The following PCNX2 variants were observed in gnomAD, a reference collection of about 807,000 sequenced individuals.
PCNX2 encodes the protein pecanex 2.
In PCNX2, 168 loss-of-function variants were observed where a neutral mutation model predicts 223.8. That is an observed-to-expected ratio of 0.75 (90% CI 0.66 to 0.85). The LOEUF (loss-of-function observed/expected upper bound fraction) is 0.85. Among genes scored for constraint, PCNX2 ranks in the 40% least tolerant of loss-of-function variants. PCNX2 has a pLI of 0.00. For missense variants in PCNX2, 2,507 were observed against 2,675.5 expected (o/e 0.94, Z 1.39); for synonymous variants, 1,006 against 1,052.6 (o/e 0.96, Z 0.86).
intron 23 of PCNX2, chr1:233,087,215 A>G: frequency 1.0e-6 from 1 of 985,418 alleles, no homozygotes; most frequent in Non-Finnish European, 1.2e-6. Context: ...AGTCAGCTTT[A>G]AAAGATCTGC....
At chr1:233,194,303 C>A (rs1680593357) in intron 15 of PCNX2, among the ~76,000 whole-genome samples, 1 of 151,232 alleles carries the variant, frequency 6.6e-6, no homozygotes, top group African/African-American at 2.4e-5. Flanking sequence ...GTGAAGATAT[C>A]CTTCAAAAGT....
chr1:233,151,886 C>T (rs940723586), intron 19 of PCNX2, among the ~76,000 whole-genome samples: 1 of 152,148 alleles, frequency 6.6e-6, no homozygotes, highest in East Asian at 1.9e-4. Context: ...TGAGCCACTG[C>T]GCCCAGCCTT....
At chr1:233,213,950 TC>T (rs1284034130) in intron 12 of PCNX2, among the ~76,000 whole-genome samples, 23 of 147,276 alleles carry the variant, frequency 1.6e-4, no homozygotes, top group Admixed American at 1.5e-3. Flanking sequence ...TGCCTCAGCC[TC>T]CCGAGTAGCT....
In PCNX2 at chr1:233,280,459, G is replaced by A. The variant is rs570159435; in HGVS notation, c.153+14867C>T. Among the ~76,000 whole-genome samples, 16 of 152,042 alleles carry A rather than the reference G, an allele frequency of 1.1e-4. No individual in the cohort carries two copies. The South Asian group carries it at 2.9e-3, about 28-fold the overall frequency. On this transcript the variant is annotated intron_variant, in intron 1 of 33. Transcript: ENST00000258229. ...ATTATAGGCATGCGCCACCATGCCC[G>A]GCTAATTTTTGTTTTTTTAGTAAAG...
At position 233,218,110 on chromosome 1, in the gene PCNX2, A is replaced by G; in HGVS notation, c.2579T>C (p.Leu860Ser). The G allele has an allele frequency of 6.4e-7, 1 of 1,561,200 alleles. No individual in the cohort carries two copies. Residue 860 changes from leucine to serine, a missense_variant, in exon 11 of 34, where the codon TTG (leucine) becomes TCG (serine). Leu to Ser is a moderately radical substitution (Grantham distance 145). This residue lies in a region of PCNX2 where 104 missense variants were observed against 144.4 expected (regional missense o/e 0.72). Coordinates refer to ENST00000258229, the MANE Select transcript of PCNX2 (RefSeq NM_014801.4). ...VLVSLLGFLT[L>S]SQGFCKDMWV... ...CATATCTTTGCAAAAGCCTTGGCTC[A>G]AGGTCAGAAATCCAAGGAGGGAAAC...
chr1:233,323,656 C>A, the PCNX2 span, among the ~76,000 whole-genome samples: 1 of 152,142 alleles, frequency 6.6e-6, no homozygotes. Context: ...CACCACAAAC[C>A]ACACCTATAT....
chr1:233,175,420 G>A (rs751935738), intron 17 of PCNX2, among the ~76,000 whole-genome samples: 3 of 152,036 alleles, frequency 2.0e-5, no homozygotes, highest in Non-Finnish European at 2.9e-5. Flanking sequence ...ACCTCTGCTG[G>A]GCAAATTTCT....
chr1:233,073,386 A>G (rs1672942471), intron 23 of PCNX2, among the ~76,000 whole-genome samples: 1 of 152,072 alleles, frequency 6.6e-6, no homozygotes, highest in Non-Finnish European at 1.5e-5. Flanking sequence ...ATTGATCCCT[A>G]GTCTAATCAT....
intron 10 of PCNX2, among the ~76,000 whole-genome samples, chr1:233,224,441 T>C (rs1261226804): frequency 1.3e-5 from 2 of 152,246 alleles, no homozygotes; most frequent in Non-Finnish European, 2.9e-5. Context: ...AAGAATGTCA[T>C]GCAGGATGAC....
chr1:233,198,729 C>G lies in PCNX2; in HGVS notation c.3066+210G>C, dbSNP rs187575257. On this transcript the variant is annotated intron_variant, in intron 15 of 33. Coordinates refer to ENST00000258229, the MANE Select transcript of PCNX2 (RefSeq NM_014801.4). ...GACATCTGCAGAGGGGAGGCCAGGC[C>G]AGGAGGTGGGGGGCCTTTCACATTA... Among the ~76,000 whole-genome samples, 872 of 152,286 alleles carry G rather than the reference C, an allele frequency of 5.7e-3. 5 individuals carry two copies. The highest frequency in any genetic ancestry group is 0.02 in the African/African-American group (825 of 41,560).
the PCNX2 span, among the ~76,000 whole-genome samples, chr1:233,311,931 AGCCTAG>A: frequency 6.6e-5 from 10 of 152,284 alleles, no homozygotes; most frequent in African/African-American, 2.4e-4. Context: ...GTTCGAGACC[AGCCTAG>A]GCAAGATGGT....
chr1:233,012,669 T>C lies in PCNX2; in HGVS notation c.4952+1996A>G, dbSNP rs184345888. 5.2e-3 allele frequency among the ~76,000 whole-genome samples: 796 copies of C among 152,172 alleles called. 7 individuals are homozygous for C. Among genetic ancestry groups the C allele is most frequent in the African/African-American group, 0.018 (765 of 41,500 alleles). On this transcript the variant is annotated intron_variant, in intron 28 of 33. Coordinates refer to ENST00000258229, the MANE Select transcript of PCNX2 (RefSeq NM_014801.4). ...AGTTTAAAAAAGCAGCTGGTAAGCATGGTGTTTAATTAAAGAAAAAGAAAT... is the reference window on the plus strand; with the variant it reads ...AGTTTAAAAAAGCAGCTGGTAAGCACGGTGTTTAATTAAAGAAAAAGAAAT...
the PCNX2 span, among the ~76,000 whole-genome samples, chr1:233,309,551 AT>A: frequency 6.6e-6 from 1 of 150,454 alleles, no homozygotes; most frequent in African/African-American, 2.4e-5. Flanking sequence ...AAAAATAATA[AT>A]AATAATAATA....
intron 22 of PCNX2, among the ~76,000 whole-genome samples, chr1:233,094,601 T>G (rs1376577959): frequency 6.6e-6 from 1 of 152,232 alleles, no homozygotes; most frequent in Non-Finnish European, 1.5e-5. Flanking sequence ...AAATCATTTT[T>G]CAAAATATAA....
At chr1:233,021,589 G>T (rs1392937661) in intron 26 of PCNX2, among the ~76,000 whole-genome samples, 1 of 152,200 alleles carries the variant, frequency 6.6e-6, no homozygotes, top group Non-Finnish European at 1.5e-5. Context: ...CTAGCTTGCA[G>T]GGGAGGAGGG....
chr1:232,996,271 G>A (rs907632500), intron 32 of PCNX2, among the ~76,000 whole-genome samples: 5 of 151,886 alleles, frequency 3.3e-5, no homozygotes, highest in African/African-American at 1.2e-4. Flanking sequence ...ACACCCCCCT[G>A]ACTCTGGACT....
chr1:233,258,528 C>G lies in PCNX2; in HGVS notation c.1334G>C (p.Cys445Ser), dbSNP rs1572164113. The change falls in exon 5 of 34, where the codon TGT becomes TCT. Residue 445 changes from cysteine (C) to serine (S), a missense_variant. Coordinates refer to ENST00000258229, the MANE Select transcript of PCNX2 (RefSeq NM_014801.4). ...CCTTTCACTTCCATTGCCTTCGGGACAGGGAACACCTCCTCCCCCACCCTC... is the reference window on the plus strand; with the variant it reads ...CCTTTCACTTCCATTGCCTTCGGGAGAGGGAACACCTCCTCCCCCACCCTC... ...LPEGGGGGVP[C>S]PEGNGSERTP... is the part of the protein sequence containing the mutation. 1 of 1,613,986 alleles carries G rather than the reference C, an allele frequency of 6.2e-7. No individual in the cohort carries two copies. The highest frequency in any genetic ancestry group is 8.5e-7 in the Non-Finnish European group (1 of 1,179,896).
chr1:233,131,199 G>A (rs540781150), intron 21 of PCNX2, among the ~76,000 whole-genome samples: 1 of 152,198 alleles, frequency 6.6e-6, no homozygotes, highest in African/African-American at 2.4e-5. Context: ...TGAGGGAAGG[G>A]CTGGGGGACA....
intron 23 of PCNX2, among the ~76,000 whole-genome samples, chr1:233,068,228 T>C (rs1672702907): frequency 6.6e-6 from 1 of 152,280 alleles, no homozygotes. Context: ...AGATATCCTT[T>C]TGGAATGAAG....
Sources: allele counts gnomAD v4.1 joint callset (sites outside exome capture counted in the v4.1 genomes callset), GRCh38; gene constraint gnomAD v4.1.1; regional missense constraint gnomAD v4.1.1; transcripts MANE v1.5; gene names NCBI Gene and HGNC (gene_info 2026-07-23, HGNC 2026-07-21).